The following KLHDC1 variants were observed in gnomAD, a reference collection of about 807,000 sequenced individuals.
The protein encoded by KLHDC1 is kelch domain containing 1.
A neutral mutation model predicts 68.3 loss-of-function variants in KLHDC1; 53 were observed. The observed-to-expected ratio is 0.78, with a 90% CI of 0.62 to 0.98. KLHDC1 has a LOEUF of 0.98. KLHDC1 is among the 50% of genes least tolerant of loss of function. The pLI, the probability that KLHDC1 is intolerant of heterozygous loss-of-function variation, is 0.00. For missense variants in KLHDC1, 470 were observed against 492.3 expected, an observed-to-expected ratio of 0.95 and a Z score of 0.43; for synonymous variants, 148 against 159.0, an observed-to-expected ratio of 0.93 and a Z score of 0.52.
At chr14:49,707,293 T>TGAGA (rs1248112931) in intron 1 of KLHDC1, among the ~76,000 whole-genome samples, 6 of 139,732 alleles carry the variant, frequency 4.3e-5, no homozygotes, top group African/African-American at 1.6e-4. Context: ...TGTGTGTGTG[T>TGAGA]GTGTGAGAGA....
In KLHDC1 at chr14:49,743,244, A is replaced by G. The variant is rs188208751; in HGVS notation, c.982-509A>G. On this transcript the variant is annotated intron_variant, in intron 11 of 12. Transcript: ENST00000359332. Reference sequence around the variant, plus strand: ...AAACCTTGTCTATACTAAAAATACAAAAAAAATTAGCAGAGCATGGTAGTG... The same window carrying G: ...AAACCTTGTCTATACTAAAAATACAGAAAAAATTAGCAGAGCATGGTAGTG... Among the ~76,000 whole-genome samples, 748 of 151,592 alleles carry G rather than the reference A, an allele frequency of 4.9e-3. 3 individuals are homozygous for G. The highest frequency in any genetic ancestry group is 0.016 in the African/African-American group (650 of 41,354).
Position 49,740,151 on chromosome 14 carries a change from G to A in KLHDC1, c.950G>A (p.Gly317Glu), listed in dbSNP as rs1272522214. 4 of 1,610,434 alleles carry A rather than the reference G, an allele frequency of 2.5e-6. No homozygotes were observed. Among genetic ancestry groups the A allele is most frequent in the Non-Finnish European group, 2.5e-6 (3 of 1,177,222 alleles). ...GAAAATGAAATAATGGTATTTGGTG[G>A]GAGCAAAGATGACTTACTTGCCTTG... ...GKENEIMVFG[G>E]SKDDLLALDT... Residue 317 changes from glycine (G) to glutamate (E), a missense_variant, in exon 11 of 13, where the codon GGG becomes GAG. Gly to Glu is a moderately conservative substitution (Grantham distance 98, BLOSUM62 -2). Coordinates refer to ENST00000359332, the MANE Select transcript of KLHDC1 (RefSeq NM_172193.3).
intron 4 of KLHDC1, among the ~76,000 whole-genome samples, chr14:49,714,429 C>T (rs1289830501): frequency 7.3e-5 from 11 of 151,124 alleles, no homozygotes; most frequent in Admixed American, 3.3e-4. Flanking sequence ...GCCGAGATCG[C>T]GCCATTGCAC....
At chr14:49,704,393 T>TG (rs1476685017) in intron 1 of KLHDC1, among the ~76,000 whole-genome samples, 4 of 127,568 alleles carry the variant, frequency 3.1e-5, no homozygotes, top group Non-Finnish European at 5.0e-5. Flanking sequence ...TTCTGTTTTT[T>TG]TTTTTTTTTT....
rs368781108 is a variant in KLHDC1, at chr14:49,740,551, A to G, written c.981+369A>G. Among the ~76,000 whole-genome samples the G allele has an allele frequency of 4.9e-3, 750 of 152,022 alleles. 3 individuals carry two copies. The highest frequency in any genetic ancestry group is 0.016 in the African/African-American group (653 of 41,494). On this transcript the variant is annotated intron_variant, in intron 11 of 12. Transcript: ENST00000359332. ...AGACGGGGTTTCACCGTGTTAGCCA[A>G]GATGGTCTTGATCTCCTGACCTCGT...
At position 49,734,709 on chromosome 14, in the gene KLHDC1, G is replaced by C. The variant is rs184376161; in HGVS notation, c.896+48G>C. 51 of 1,084,998 alleles carry C rather than the reference G, an allele frequency of 4.7e-5. No homozygotes were observed. In the African/African-American group the frequency reaches 7.0e-4, roughly 15 times the overall value. 67.2% of individuals were successfully genotyped at this position (1,084,998 alleles called of 1,614,324 possible). On this transcript the variant is annotated intron_variant, in intron 10 of 12. Transcript: ENST00000359332. ...AGTAAAATAGTTAAGAATTTTTAAA[G>C]TATTAAAATATAGTACTGAATTTAT...
At chr14:49,724,999 G>T (rs183615119) in intron 5 of KLHDC1, among the ~76,000 whole-genome samples, 7 of 152,062 alleles carry the variant, frequency 4.6e-5, no homozygotes, top group African/African-American at 1.4e-4. Flanking sequence ...TTTAAAAATA[G>T]ATTCTAAACT....
At chr14:49,711,910 CTTTTTTTTTTTTTTTTT>C (rs992092493) in intron 4 of KLHDC1, among the ~76,000 whole-genome samples, 3 of 76,616 alleles carry the variant, frequency 3.9e-5, no homozygotes, top group Admixed American at 2.9e-4. Context: ...TTTTCTTTTT[CTTTTTTTTTTTTTTTTT>C]TTTTTTTTTT....
At position 49,747,194 on chromosome 14, in the gene KLHDC1, G is replaced by A. The variant is rs554166795; in HGVS notation, c.1034+3389G>A. 1.1e-4 allele frequency among the ~76,000 whole-genome samples: 17 copies of A among 152,202 alleles called. 1 individual carries two copies. The South Asian group carries it at 1.5e-3, about 13-fold the overall frequency. On this transcript the variant is annotated intron_variant, in intron 12 of 12. Coordinates refer to ENST00000359332, the MANE Select transcript of KLHDC1 (RefSeq NM_172193.3). ...GATCTCCTGACCTCGTGATTCACCC[G>A]CCTCGGCCTCCCAAAGTGCTGGGAT...
In KLHDC1 at chr14:49,724,758, A is replaced by AT. The variant is rs954242833; in HGVS notation, c.483+813dup. 5.9e-5 allele frequency among the ~76,000 whole-genome samples: 9 copies of AT among 151,430 alleles called. 1 individual carries two copies. The highest frequency in any genetic ancestry group is 2.2e-4 in the African/African-American group (9 of 41,248). On this transcript the variant is annotated intron_variant, in intron 5 of 12. Transcript: ENST00000359332. ...TTTTATTCATCAGTGAAATAACTCA[A>AT]TTTTTTTCTCCTACAATACAGTTAC...
chr14:49,732,674 A>G, intron 8 of KLHDC1, 30 bp from the exon 9 acceptor site: 3 of 1,113,468 alleles, frequency 2.7e-6, no homozygotes, highest in South Asian at 1.3e-5. Context: ...TTAATATAGT[A>G]CCTAGACTTT....
rs966520447 is a variant in KLHDC1, at chr14:49,752,401, C to T, written c.*629C>T. ...ATGTCTTCAGTTGTCTCTCCATTAC[C>T]CCTAAGTTATTAGTTTGTCTAGTTT... On this transcript the variant is annotated 3_prime_UTR_variant, in exon 13 of 13. Coordinates refer to ENST00000359332, the MANE Select transcript of KLHDC1 (RefSeq NM_172193.3). 3 of 152,432 alleles carry T rather than the reference C, an allele frequency of 2.0e-5. No individual in the cohort carries two copies. Among genetic ancestry groups the T allele is most frequent in the Non-Finnish European group, 4.4e-5 (3 of 67,924 alleles). 9.4% of individuals were successfully genotyped at this position (152,432 alleles called of 1,614,324 possible). A position where few individuals can be genotyped will look rare whatever the true frequency, so the allele number is the denominator to read the frequency against.
At chr14:49,724,083 G>T in intron 5 of KLHDC1, 131 bp downstream of exon 5, 1 of 587,004 alleles carries the variant, frequency 1.7e-6, no homozygotes, top group Non-Finnish European at 2.9e-6. Flanking sequence ...AAAAAAATGT[G>T]TTTTCTCTCT....
chr14:49,710,201 C>T, intron 3 of KLHDC1, 62 bp from the exon 4 acceptor site: 1 of 852,416 alleles, frequency 1.2e-6, no homozygotes, highest in Non-Finnish European at 2.0e-6. Flanking sequence ...GATCACATTC[C>T]CTCTGATATA....
At chr14:49,722,863 G>A (rs1012597264) in intron 4 of KLHDC1, among the ~76,000 whole-genome samples, 23 of 152,080 alleles carry the variant, frequency 1.5e-4, no homozygotes, top group African/African-American at 5.6e-4. Flanking sequence ...GAGGTGGGCA[G>A]ATCACTTGAG....
chr14:49,712,208 G>A (rs1213835923), intron 4 of KLHDC1, among the ~76,000 whole-genome samples: 1 of 151,724 alleles, frequency 6.6e-6, no homozygotes, highest in Non-Finnish European at 1.5e-5. Context: ...ATGAGCCACT[G>A]CACCCAACCA....
At chr14:49,706,175 T>C (rs1888045640) in intron 1 of KLHDC1, among the ~76,000 whole-genome samples, 1 of 152,154 alleles carries the variant, frequency 6.6e-6, no homozygotes, top group East Asian at 1.9e-4. Flanking sequence ...ATCCTTCTGC[T>C]TTCTCTCTCC....
At chr14:49,707,131 CTTTAATCCATT>C (rs1888069595) in intron 1 of KLHDC1, among the ~76,000 whole-genome samples, 1 of 151,974 alleles carries the variant, frequency 6.6e-6, no homozygotes, top group Non-Finnish European at 1.5e-5. Context: ...AGATTTAAGT[CTTTAATCCATT>C]TTGATGTGAT....
chr14:49,736,219 A>G (rs1888927470), intron 10 of KLHDC1, among the ~76,000 whole-genome samples: 1 of 152,208 alleles, frequency 6.6e-6, no homozygotes, highest in Non-Finnish European at 1.5e-5. Flanking sequence ...TATTATCTAT[A>G]ATATACTGTT....
Sources: allele counts gnomAD v4.1 joint callset (sites outside exome capture counted in the v4.1 genomes callset), GRCh38; gene constraint gnomAD v4.1.1; transcripts MANE v1.5; gene names NCBI Gene and HGNC (gene_info 2026-07-23, HGNC 2026-07-21).